Variants in DCLK2 observed in about 807,000 individuals in gnomAD.
DCLK2 encodes serine/threonine-protein kinase DCLK2.
In DCLK2, 31 loss-of-function variants were observed where a neutral mutation model predicts 78.4. That is an observed-to-expected ratio of 0.40 (90% CI 0.30 to 0.53). The LOEUF is 0.53. DCLK2 is among the 20% of genes least tolerant of loss of function. The probability of loss-of-function intolerance (pLI) is 0.61; values close to 1 mark genes in which losing one functional copy is unlikely to be tolerated. For synonymous variants in DCLK2, 407 were observed against 374.9 expected, an observed-to-expected ratio of 1.09 and a Z score of -0.99; for missense variants, 872 against 973.7, an observed-to-expected ratio of 0.90 and a Z score of 1.39.
At chr4:150,138,544 C>CA (rs910070559) in intron 2 of DCLK2, among the ~76,000 whole-genome samples, 1 of 151,864 alleles carries the variant, frequency 6.6e-6, no homozygotes, top group African/African-American at 2.4e-5. Flanking sequence ...ATTATTGTGG[C>CA]AAAAAAAATA....
intron 14 of DCLK2, among the ~76,000 whole-genome samples, chr4:150,248,912 A>G (rs764780184): frequency 6.6e-6 from 1 of 151,738 alleles, no homozygotes; most frequent in Non-Finnish European, 1.5e-5. Flanking sequence ...AACATGATCC[A>G]ATAAATGGGG....
rs1374371471 is a variant in DCLK2 at position 150,249,629 on chromosome 4, TTAA to T, written c.2023_2025del (p.Asn675del). The T allele has an allele frequency of 1.9e-6, 3 of 1,613,634 alleles. No homozygotes were observed. Among genetic ancestry groups the T allele is most frequent in the Non-Finnish European group, 2.5e-6 (3 of 1,179,976 alleles). ...GTGACAGGTAAACTAAAACAGCACT[TTAA>T]TAATGCGCTCCCCAAACAGAACAGC... On this transcript the variant is annotated inframe_deletion, in exon 15 of 16. Coordinates refer to ENST00000296550, the MANE Select transcript of DCLK2 (RefSeq NM_001040260.4).
rs577672603 is a variant in DCLK2, at chr4:150,249,653, A to T, written c.2042A>T (p.Asn681Ile). ...TTTAATAATGCGCTCCCCAAACAGA[A>T]CAGCACTACCACCGGGGTCTCCGTC... ...QHFNNALPKQ[N>I]STTTGVSVIM... is the part of the protein sequence containing the mutation. The change falls in exon 15 of 16, where the codon AAC becomes ATC. Residue 681 changes from asparagine to isoleucine, a missense_variant. Asn to Ile is a moderately radical substitution (Grantham distance 149). This residue lies in a region of DCLK2 where 219 missense variants were observed against 230.1 expected (regional missense o/e 0.95). Coordinates refer to ENST00000296550, the MANE Select transcript of DCLK2 (RefSeq NM_001040260.4). 6.2e-7 allele frequency: 1 copy of T among 1,613,740 alleles called. No individual in the cohort carries two copies. Among genetic ancestry groups the T allele is most frequent in the South Asian group, 1.1e-5 (1 of 91,078 alleles).
chr4:150,229,915 G>A (rs1741914071), intron 8 of DCLK2, among the ~76,000 whole-genome samples: 3 of 152,144 alleles, frequency 2.0e-5, no homozygotes, highest in South Asian at 4.1e-4. Context: ...AGTCTAGAGA[G>A]CATTTTTTAC....
intron 2 of DCLK2, among the ~76,000 whole-genome samples, chr4:150,115,226 T>G (rs1352610960): frequency 1.3e-5 from 2 of 152,230 alleles, no homozygotes; most frequent in Non-Finnish European, 2.9e-5. Context: ...TCTGATTGGC[T>G]TTCTTTAAAA....
chr4:150,249,513 A>C (rs1362003386), intron 14 of DCLK2, 55 bp from the exon 15 acceptor site: 5 of 1,513,036 alleles, frequency 3.3e-6, no homozygotes, highest in Non-Finnish European at 4.6e-6. Context: ...AGGAAAAGAC[A>C]ACTCAAACGG....
At chr4:150,227,992 G>A (rs953403853) in intron 8 of DCLK2, among the ~76,000 whole-genome samples, 21 of 152,174 alleles carry the variant, frequency 1.4e-4, no homozygotes, top group Admixed American at 1.4e-3. Context: ...GGGGGTTTTG[G>A]GGAGAATCTG....
chr4:150,124,176 G>GA (rs1378388756), intron 2 of DCLK2, among the ~76,000 whole-genome samples: 13 of 152,088 alleles, frequency 8.5e-5, no homozygotes, highest in Non-Finnish European at 1.5e-4. Context: ...CACAGTGTTG[G>GA]AAAGCTCTGT....
intron 10 of DCLK2, among the ~76,000 whole-genome samples, chr4:150,234,067 C>G (rs1270309846): frequency 1.3e-5 from 2 of 152,104 alleles, no homozygotes; most frequent in African/African-American, 4.8e-5. Context: ...ACACAGATTC[C>G]TCCATCCTCA....
chr4:150,079,106 GC>G lies in DCLK2; in HGVS notation c.84del (p.Ser29AlafsTer76). Reference protein sequence around the residue: ...KRPRPGSRRGAPSSSGGSSSS... With the variant: ...KRPRPGSRRGXPSSSGGSSSS... Reference sequence around the variant, plus strand: ...GCCGCGGCCGGGGTCGCGGAGAGGGGCCCCCAGCTCCTCCGGGGGCAGCAGC... The same window carrying G: ...GCCGCGGCCGGGGTCGCGGAGAGGGGCCCCAGCTCCTCCGGGGGCAGCAGC... On this transcript the variant is annotated frameshift_variant, in exon 1 of 16. Coordinates refer to ENST00000296550, the MANE Select transcript of DCLK2 (RefSeq NM_001040260.4). LOFTEE classifies it high-confidence loss of function. 1.3e-6 allele frequency: 2 copies of G among 1,569,652 alleles called. No individual in the cohort carries two copies. The highest frequency in any genetic ancestry group is 1.7e-6 in the Non-Finnish European group (2 of 1,160,852).
intron 2 of DCLK2, among the ~76,000 whole-genome samples, chr4:150,164,008 C>G (rs1735888955): frequency 6.6e-6 from 1 of 152,200 alleles, no homozygotes; most frequent in Non-Finnish European, 1.5e-5. Flanking sequence ...AACTCCTGGC[C>G]CATCCTCCTG....
intron 1 of DCLK2, among the ~76,000 whole-genome samples, chr4:150,091,023 C>T (rs28470198): frequency 0.38 from 58,055 of 152,010 alleles, 11,324 homozygotes; most frequent in Non-Finnish European, 0.42. Flanking sequence ...GTTAGTCTGC[C>T]AATTCCTTTA....
In DCLK2 at chr4:150,239,764, C is replaced by A. The variant is rs1321508209; in HGVS notation, c.1589C>A (p.Thr530Asn). 2.5e-6 allele frequency: 4 copies of A among 1,614,082 alleles called. No individual in the cohort carries two copies. Among genetic ancestry groups the A allele is most frequent in the Non-Finnish European group, 3.4e-6 (4 of 1,180,030 alleles). Reference protein sequence around the residue: ...NLLVCEYPDGTKSLKLGDFGL... With the variant: ...NLLVCEYPDGNKSLKLGDFGL... ...CAGGTGTGTGAATATCCTGATGGAA[C>A]CAAGTCTTTGAAACTGGGAGACTTT... Residue 530 changes from threonine (T) to asparagine (N), a missense_variant, in exon 11 of 16, where the codon ACC (threonine) becomes AAC (asparagine). By Grantham distance (65) the Thr-to-Asn change is moderately conservative (BLOSUM62 0). Transcript: ENST00000296550.
intron 2 of DCLK2, among the ~76,000 whole-genome samples, chr4:150,152,923 A>G (rs1734997394): frequency 6.6e-6 from 1 of 152,226 alleles, no homozygotes; most frequent in South Asian, 2.1e-4. Context: ...CTGAATAATG[A>G]GCTTGGCAAA....
chr4:150,239,414 A>G (rs1742739487), intron 10 of DCLK2, among the ~76,000 whole-genome samples: 1 of 152,108 alleles, frequency 6.6e-6, no homozygotes, highest in East Asian at 1.9e-4. Context: ...CTTGGGCAGT[A>G]TAAGGAGACC....
intron 5 of DCLK2, among the ~76,000 whole-genome samples, chr4:150,208,213 T>G (rs949041387): frequency 2.0e-5 from 3 of 152,170 alleles, no homozygotes; most frequent in African/African-American, 7.2e-5. Flanking sequence ...GAGGATTTTG[T>G]AGAACAAAAA....
chr4:150,079,171 G>T lies in DCLK2; in HGVS notation c.144G>T (p.Pro48=). Residue 48 remains proline, a synonymous_variant, in exon 1 of 16, where the codon CCG becomes CCT. Transcript: ENST00000296550. ...GPKGNGLIPS[P]AHSAHCSFYR... is the part of the protein sequence containing the mutation. ...AGGGGAACGGGCTCATCCCCAGTCC[G>T]GCGCACAGTGCCCACTGCAGCTTCT... 3 of 1,608,948 alleles carry T rather than the reference G, an allele frequency of 1.9e-6. No homozygotes were observed. Among genetic ancestry groups the T allele is most frequent in the Non-Finnish European group, 2.5e-6 (3 of 1,177,662 alleles).
chr4:150,087,642 G>A (rs1421759144), intron 1 of DCLK2, among the ~76,000 whole-genome samples: 4 of 152,128 alleles, frequency 2.6e-5, no homozygotes, highest in Non-Finnish European at 5.9e-5. Flanking sequence ...TGGACAAAAG[G>A]GCATGATTTA....
At chr4:150,234,402 C>T (rs1742320272) in intron 10 of DCLK2, among the ~76,000 whole-genome samples, 1 of 152,134 alleles carries the variant, frequency 6.6e-6, no homozygotes. Flanking sequence ...GATGGTGACA[C>T]GTAAACACAT....
Sources: gnomAD v4.1 joint callset for allele counts (sites outside exome capture counted in the v4.1 genomes callset) on GRCh38, gnomAD v4.1.1 for gene constraint, gnomAD v4.1.1 regional missense constraint, MANE v1.5 for transcripts, NCBI Gene and HGNC (gene_info 2026-07-23, HGNC 2026-07-21) for gene names.